The following PTPRD variants were observed in gnomAD, a reference collection of about 807,000 sequenced individuals.
PTPRD encodes receptor-type tyrosine-protein phosphatase delta.
In PTPRD, 34 loss-of-function variants were observed where a neutral mutation model predicts 214.5. The ratio of observed to expected loss-of-function variants is 0.16; its 90% CI spans 0.12 to 0.21. PTPRD has a LOEUF of 0.21. Among genes scored for constraint, PTPRD ranks in the 10% least tolerant of loss-of-function variants. The pLI, the probability that PTPRD is intolerant of heterozygous loss-of-function variation, is 1.00. For missense variants in PTPRD, 2,545 were observed against 2,398.7 expected (o/e 1.06, Z -1.27); for synonymous variants, 1,128 against 845.7 (o/e 1.33, Z -5.79).
intron 11 of PTPRD, among the ~76,000 whole-genome samples, chr9:8,750,893 T>C (rs1207979345): frequency 6.6e-6 from 1 of 152,050 alleles, no homozygotes; most frequent in Admixed American, 6.5e-5. Flanking sequence ...TTTAGATGAC[T>C]TCTCCAGTGG....
intron 35 of PTPRD, among the ~76,000 whole-genome samples, chr9:8,420,341 C>T (rs1247042409): frequency 6.6e-6 from 1 of 152,042 alleles, no homozygotes; most frequent in Non-Finnish European, 1.5e-5. Flanking sequence ...AAAGAAGGAG[C>T]ATTCATGATC....
chr9:8,631,833 G>A (rs375764927), intron 14 of PTPRD, among the ~76,000 whole-genome samples: 67 of 151,838 alleles, frequency 4.4e-4, no homozygotes, highest in African/African-American at 1.5e-3. Flanking sequence ...TTGTTTGTAA[G>A]CCTAATTATG....
At chr9:9,496,802 C>A (rs1168513711) in intron 8 of PTPRD, among the ~76,000 whole-genome samples, 1 of 151,910 alleles carries the variant, frequency 6.6e-6, no homozygotes, top group African/African-American at 2.4e-5. Flanking sequence ...ATTTATACAC[C>A]CATGTTTAGT....
At chr9:9,577,786 C>G (rs575897838) in intron 7 of PTPRD, among the ~76,000 whole-genome samples, 6 of 151,944 alleles carry the variant, frequency 3.9e-5, no homozygotes, top group Non-Finnish European at 8.8e-5. Context: ...TGGCTCACGC[C>G]TGTAATCCCA....
intron 14 of PTPRD, among the ~76,000 whole-genome samples, chr9:8,574,274 A>G (rs2091894640): frequency 6.6e-6 from 1 of 152,022 alleles, no homozygotes; most frequent in Non-Finnish European, 1.5e-5. Context: ...GCCATAATGA[A>G]CACTCTTTGG....
At chr9:9,347,033 G>C (rs2049097975) in intron 9 of PTPRD, among the ~76,000 whole-genome samples, 1 of 151,988 alleles carries the variant, frequency 6.6e-6, no homozygotes, top group Non-Finnish European at 1.5e-5. Flanking sequence ...CAGGTGTGTT[G>C]GCGCACGCTT....
At chr9:10,478,993 A>G (rs575508422) in intron 2 of PTPRD, among the ~76,000 whole-genome samples, 33 of 152,256 alleles carry the variant, frequency 2.2e-4, no homozygotes, top group African/African-American at 7.7e-4. Context: ...AAAGTTTTTT[A>G]AAAGCCCTTC....
intron 3 of PTPRD, among the ~76,000 whole-genome samples, chr9:10,302,352 C>A (rs957484005): frequency 6.6e-6 from 1 of 152,126 alleles, no homozygotes; most frequent in Non-Finnish European, 1.5e-5. Flanking sequence ...GAAGAAACTA[C>A]ATCAACTAAT....
Position 8,653,377 on chromosome 9 carries a change from T to C in PTPRD, c.65-16533A>G, listed in dbSNP as rs941761589. 2.0e-5 allele frequency among the ~76,000 whole-genome samples: 3 copies of C among 152,172 alleles called. No homozygotes were observed. The South Asian group carries it at 6.2e-4, about 32-fold the overall frequency. On this transcript the variant is annotated intron_variant, in intron 12 of 45. Transcript: ENST00000381196. ...ATACTTTTACTTAGACTGGATTACA[T>C]ACAAAGCATTCGGTAATATAGTCAT...
At chr9:8,892,633 G>A (rs1416161533) in intron 11 of PTPRD, among the ~76,000 whole-genome samples, 1 of 148,230 alleles carries the variant, frequency 6.7e-6, no homozygotes, top group Non-Finnish European at 1.5e-5. Context: ...ATATATATGT[G>A]TGTATATATA....
At chr9:8,493,999 G>GAC (rs780088083) in intron 26 of PTPRD, among the ~76,000 whole-genome samples, 1,855 of 141,944 alleles carry the variant, frequency 0.013, 25 homozygotes, top group African/African-American at 0.041. Flanking sequence ...GACACACACA[G>GAC]ACACACAGAC....
chr9:9,754,734 A>T (rs1596837246), intron 6 of PTPRD, among the ~76,000 whole-genome samples: 1 of 152,086 alleles, frequency 6.6e-6, no homozygotes, highest in Non-Finnish European at 1.5e-5. Context: ...TATTCTAAAA[A>T]GAAAGTTTAT....
At chr9:8,617,284 CAG>C (rs1389964132) in intron 14 of PTPRD, among the ~76,000 whole-genome samples, 1 of 152,010 alleles carries the variant, frequency 6.6e-6, no homozygotes, top group Non-Finnish European at 1.5e-5. Context: ...GATGTCTACT[CAG>C]TGTCTCTGAT....
intron 4 of PTPRD, among the ~76,000 whole-genome samples, chr9:9,992,914 C>A (rs1398644000): frequency 6.6e-6 from 1 of 151,668 alleles, no homozygotes; most frequent in South Asian, 2.1e-4. Context: ...CAAACCTGCA[C>A]GTTGTGCACA....
intron 7 of PTPRD, among the ~76,000 whole-genome samples, chr9:9,676,882 A>G (rs1467102311): frequency 1.3e-5 from 2 of 152,082 alleles, no homozygotes; most frequent in African/African-American, 4.8e-5. Context: ...GCCAGTGATG[A>G]TGAGCATTTT....
intron 7 of PTPRD, among the ~76,000 whole-genome samples, chr9:9,656,697 C>T (rs1203427318): frequency 6.6e-6 from 1 of 152,040 alleles, no homozygotes; most frequent in Non-Finnish European, 1.5e-5. Flanking sequence ...ATGGTGGATA[C>T]ATCATTAAAA....
At chr9:8,352,514 G>A (rs2075796029) in intron 39 of PTPRD, among the ~76,000 whole-genome samples, 1 of 152,144 alleles carries the variant, frequency 6.6e-6, no homozygotes. Context: ...CATTTACCAG[G>A]CCTGCCAAGT....
chr9:9,019,538 C>G (rs402322), intron 10 of PTPRD, among the ~76,000 whole-genome samples: 1 of 151,812 alleles, frequency 6.6e-6, no homozygotes, highest in Non-Finnish European at 1.5e-5. Flanking sequence ...AACCCCATCT[C>G]TACTCAAAAT....
At chr9:8,780,593 G>A (rs1008217988) in intron 11 of PTPRD, among the ~76,000 whole-genome samples, 1 of 152,036 alleles carries the variant, frequency 6.6e-6, no homozygotes, top group Non-Finnish European at 1.5e-5. Context: ...TATTCTCTCT[G>A]TGAGGTACCC....
Sources: gnomAD v4.1 joint callset for allele counts (sites outside exome capture counted in the v4.1 genomes callset) on GRCh38, gnomAD v4.1.1 for gene constraint, MANE v1.5 for transcripts, NCBI Gene and HGNC (gene_info 2026-07-23, HGNC 2026-07-21) for gene names.